Variants in EPSTI1 observed in about 807,000 individuals in gnomAD.
The protein encoded by EPSTI1 is epithelial-stromal interaction protein 1.
EPSTI1 carries 66 observed loss-of-function variants against 49.9 expected under a neutral mutation model. The ratio of observed to expected loss-of-function variants is 1.32; its 90% confidence interval spans 1.08 to 1.62. The LOEUF is 1.62. Ranked by LOEUF, EPSTI1 falls within the 40% of genes most tolerant of loss-of-function variation. EPSTI1 has a pLI of 0.00. For missense variants in EPSTI1, 394 were observed against 365.5 expected (o/e 1.08, Z -0.64); for synonymous variants, 137 against 130.7 (o/e 1.05, Z -0.33).
chr13:42,973,100 A>G (rs1286862377), intron 1 of EPSTI1, among the ~76,000 whole-genome samples: 1 of 152,266 alleles, frequency 6.6e-6, no homozygotes, highest in African/African-American at 2.4e-5. Context: ...TTCCAAGTCC[A>G]TGAGTCTCTC....
chr13:42,937,869 T>A (rs149547241), intron 6 of EPSTI1, among the ~76,000 whole-genome samples: 11 of 152,298 alleles, frequency 7.2e-5, no homozygotes, highest in African/African-American at 2.6e-4. Flanking sequence ...AAATCCCTTC[T>A]AGAAGGTTTT....
chr13:42,889,685 G>C (rs182918009), intron 10 of EPSTI1, among the ~76,000 whole-genome samples: 120 of 152,262 alleles, frequency 7.9e-4, no homozygotes, highest in African/African-American at 2.8e-3. Context: ...TTGTCCACTT[G>C]TTATTTGCAG....
intron 7 of EPSTI1, among the ~76,000 whole-genome samples, chr13:42,925,684 C>T (rs1017277622): frequency 5.3e-5 from 8 of 152,206 alleles, no homozygotes; most frequent in African/African-American, 1.9e-4. Flanking sequence ...CAACACAAGC[C>T]ATGCTTATTT....
intron 7 of EPSTI1, among the ~76,000 whole-genome samples, chr13:42,920,867 A>T (rs1402595708): frequency 2.6e-5 from 4 of 152,132 alleles, no homozygotes; most frequent in Admixed American, 6.5e-5. Flanking sequence ...ATATATTTTT[A>T]AAGTAACAAA....
chr13:42,974,462 C>G (rs549163150), intron 1 of EPSTI1, among the ~76,000 whole-genome samples: 1 of 152,146 alleles, frequency 6.6e-6, no homozygotes, highest in South Asian at 2.1e-4. Context: ...TTGAGACCAT[C>G]CTGGCTAACA....
At chr13:42,971,029 A>G (rs986723690) in intron 1 of EPSTI1, among the ~76,000 whole-genome samples, 1 of 152,236 alleles carries the variant, frequency 6.6e-6, no homozygotes. Context: ...ACCGGGGTAC[A>G]GGAAACATTG....
intron 6 of EPSTI1, among the ~76,000 whole-genome samples, chr13:42,951,615 A>C (rs1052026095): frequency 1.3e-5 from 2 of 152,170 alleles, no homozygotes; most frequent in African/African-American, 4.8e-5. Context: ...GTATTTAGTA[A>C]AACACAAACT....
chr13:42,908,127 TAATC>T (rs869191370), intron 8 of EPSTI1, among the ~76,000 whole-genome samples: 1 of 152,288 alleles, frequency 6.6e-6, no homozygotes, highest in African/African-American at 2.4e-5. Context: ...CGTTAAAAAA[TAATC>T]AACTCAAAAT....
At chr13:42,926,166 A>C (rs991473832) in intron 7 of EPSTI1, among the ~76,000 whole-genome samples, 170 bp downstream of exon 7, 1 of 152,148 alleles carries the variant, frequency 6.6e-6, no homozygotes, top group African/African-American at 2.4e-5. Context: ...AAATAATACA[A>C]GCATTATTTT....
Position 42,960,530 on chromosome 13 carries a change from A to T in EPSTI1, c.489+2725T>A, listed in dbSNP as rs544434151. On this transcript the variant is annotated intron_variant, in intron 5 of 10. Transcript: ENST00000313624. ...GGAAAAGAAATTAATGCATCATTAT[A>T]AAACCACATGAGTAGTATTAGTTTC... 7.2e-4 allele frequency among the ~76,000 whole-genome samples: 109 copies of T among 152,372 alleles called. 1 individual carries two copies. The highest frequency in any genetic ancestry group is 2.5e-3 in the African/African-American group (105 of 41,592).
chr13:42,901,899 A>T (rs998851615), intron 8 of EPSTI1, among the ~76,000 whole-genome samples: 5 of 151,642 alleles, frequency 3.3e-5, no homozygotes, highest in African/African-American at 1.2e-4. Flanking sequence ...TATATCTCCC[A>T]ATGCTATCCC....
At chr13:42,902,262 G>A (rs1404166224) in intron 8 of EPSTI1, among the ~76,000 whole-genome samples, 1 of 151,526 alleles carries the variant, frequency 6.6e-6, no homozygotes, top group Non-Finnish European at 1.5e-5. Flanking sequence ...AATGTGGTAG[G>A]AGAGGGATCT....
rs902056029 is a variant in EPSTI1, at chr13:42,955,884, G to C, written c.490-1863C>G. 7.7e-5 allele frequency among the ~76,000 whole-genome samples: 11 copies of C among 143,458 alleles called. 1 individual carries two copies. The highest frequency in any genetic ancestry group is 2.4e-4 in the South Asian group (1 of 4,170). The allele number at this position is 143,458 out of a possible 152,430, so 94.1% of individuals were successfully genotyped here. On this transcript the variant is annotated intron_variant, in intron 5 of 10. Transcript: ENST00000313624. ...AGTTGATGAAGAAGTATTTGGGGGG[G>C]GGGGGAAGTAGTAGTAGTAGTATTT...
chr13:42,956,679 A>T (rs745552021), intron 5 of EPSTI1, among the ~76,000 whole-genome samples: 1 of 152,192 alleles, frequency 6.6e-6, no homozygotes, highest in Non-Finnish European at 1.5e-5. Flanking sequence ...TTGGTCTCTA[A>T]TTTGCACAAA....
Position 42,917,521 on chromosome 13 carries a change from T to C in EPSTI1, c.741+20A>G. On this transcript the variant is annotated intron_variant, in intron 8 of 10. Coordinates refer to ENST00000313624, the MANE Select transcript of EPSTI1 (RefSeq NM_033255.5). Reference sequence around the variant, plus strand: ...CCTCAAATAAACAGTTAGCAATAACTAGTAGGGGCTTGTAAGTACCTTTTG... The same window carrying C: ...CCTCAAATAAACAGTTAGCAATAACCAGTAGGGGCTTGTAAGTACCTTTTG... 1.3e-6 allele frequency: 2 copies of C among 1,597,752 alleles called. No individual in the cohort carries two copies. The highest frequency in any genetic ancestry group is 1.1e-5 in the South Asian group (1 of 90,132).
chr13:42,911,298 CACAT>C lies in EPSTI1; in HGVS notation c.741+6239_741+6242del, dbSNP rs57885128. 2.3e-3 allele frequency among the ~76,000 whole-genome samples: 266 copies of C among 116,458 alleles called. 1 individual carries two copies. The highest frequency in any genetic ancestry group is 4.0e-3 in the Non-Finnish European group (196 of 48,584). 76.4% of individuals were successfully genotyped at this position (116,458 alleles called of 152,430 possible). A position where few individuals can be genotyped will look rare whatever the true frequency, so the allele number is the denominator to read the frequency against. On this transcript the variant is annotated intron_variant, in intron 8 of 10. Coordinates refer to ENST00000313624, the MANE Select transcript of EPSTI1 (RefSeq NM_033255.5). The stretch of plus-strand genomic sequence containing the variant: ...ACGCGCGCACACGTGTGTGAGTGTG[CACAT>C]GCTTCCTTTATCAGATTGTGACATC...
At chr13:42,933,109 C>G (rs2038432935) in intron 6 of EPSTI1, among the ~76,000 whole-genome samples, 1 of 152,006 alleles carries the variant, frequency 6.6e-6, no homozygotes, top group Admixed American at 6.6e-5. Flanking sequence ...AGAAAAGGAG[C>G]ACTGGAGGGA....
At chr13:42,950,016 A>G (rs9525714) in intron 6 of EPSTI1, among the ~76,000 whole-genome samples, 42,758 of 152,204 alleles carry the variant, frequency 0.28, 6,388 homozygotes, top group East Asian at 0.45. Context: ...GTCCACCCAA[A>G]GGTATCACAC....
At chr13:42,916,462 C>T (rs1433920358) in intron 8 of EPSTI1, among the ~76,000 whole-genome samples, 1 of 152,092 alleles carries the variant, frequency 6.6e-6, no homozygotes, top group Non-Finnish European at 1.5e-5. Context: ...AAAGGGGTTC[C>T]ACACTGTTGG....
Sources: allele counts gnomAD v4.1 joint callset (sites outside exome capture counted in the v4.1 genomes callset), GRCh38; gene constraint gnomAD v4.1.1; transcripts MANE v1.5; gene names NCBI Gene and HGNC (gene_info 2026-07-23, HGNC 2026-07-21).